Variants in ZFAND3 observed in about 807,000 individuals in gnomAD.
The protein encoded by ZFAND3 is zinc finger AN1-type containing 3, also known as AN1-type zinc finger protein 3.
A neutral mutation model predicts 29.6 loss-of-function variants in ZFAND3; 10 were observed. The observed-to-expected ratio is 0.34, with a 90% confidence interval of 0.21 to 0.57. The LOEUF is 0.57. Among genes scored for constraint, ZFAND3 ranks in the 20% least tolerant of loss-of-function variants. The pLI is 0.86. For synonymous variants in ZFAND3, 128 were observed against 112.6 expected (o/e 1.14, Z -0.87); for missense variants, 230 against 304.5 (o/e 0.76, Z 1.82).
chr6:37,963,262 C>G (rs1762231094), intron 2 of ZFAND3, among the ~76,000 whole-genome samples: 1 of 152,038 alleles, frequency 6.6e-6, no homozygotes, highest in African/African-American at 2.4e-5. Flanking sequence ...TAATGAAGCT[C>G]CAAAGGTCAA....
chr6:38,120,481 A>G (rs1045765138), intron 5 of ZFAND3, among the ~76,000 whole-genome samples: 2 of 151,460 alleles, frequency 1.3e-5, no homozygotes, highest in South Asian at 2.1e-4. Context: ...GCACACCTCC[A>G]CGCCTGGCTA....
intron 1 of ZFAND3, among the ~76,000 whole-genome samples, chr6:37,839,581 C>T (rs1764033897): frequency 6.6e-6 from 1 of 150,738 alleles, no homozygotes; most frequent in Non-Finnish European, 1.5e-5. Flanking sequence ...GTGGCGCGAT[C>T]TCAGCTCTCT....
intron 1 of ZFAND3, among the ~76,000 whole-genome samples, chr6:37,886,576 A>G (rs1184704311): frequency 6.6e-6 from 1 of 152,224 alleles, no homozygotes; most frequent in African/African-American, 2.4e-5. Flanking sequence ...CCTTGATTCC[A>G]CATTGGTCTC....
In ZFAND3 at chr6:38,154,242, C is replaced by T. The variant is rs1222687544; in HGVS notation, c.*1853C>T. 1.5e-5 allele frequency: 15 copies of T among 985,420 alleles called. No individual in the cohort carries two copies. The highest frequency in any genetic ancestry group is 8.7e-5 in the African/African-American group (5 of 57,244). 61.0% of individuals were successfully genotyped at this position (985,420 alleles called of 1,614,324 possible). On this transcript the variant is annotated 3_prime_UTR_variant, in exon 6 of 6. Coordinates refer to ENST00000287218, the MANE Select transcript of ZFAND3 (RefSeq NM_021943.3). ...AAGCTCTGGTCCCGAAGAGGCTGTG[C>T]GAGCCCTTCCCGGCCCTCCCCAGGG... is the stretch of plus-strand genomic sequence containing the variant.
At chr6:38,125,729 A>G (rs1011294833) in intron 5 of ZFAND3, among the ~76,000 whole-genome samples, 1 of 152,204 alleles carries the variant, frequency 6.6e-6, no homozygotes, top group African/African-American at 2.4e-5. Flanking sequence ...GGGGAGAAAA[A>G]TTATTATAAA....
chr6:37,877,688 C>T (rs1327680526), intron 1 of ZFAND3, among the ~76,000 whole-genome samples: 1 of 152,180 alleles, frequency 6.6e-6, no homozygotes, highest in Non-Finnish European at 1.5e-5. Flanking sequence ...TTACTTGTGG[C>T]AGGGCTGGGA....
intron 2 of ZFAND3, among the ~76,000 whole-genome samples, chr6:38,013,995 A>C (rs967487470): frequency 6.6e-6 from 1 of 152,238 alleles, no homozygotes; most frequent in African/African-American, 2.4e-5. Context: ...TAAGACCTAC[A>C]GATAACTAAC....
At chr6:38,054,782 C>T (rs914338457) in intron 2 of ZFAND3, among the ~76,000 whole-genome samples, 4 of 152,194 alleles carry the variant, frequency 2.6e-5, no homozygotes, top group Admixed American at 1.3e-4. Context: ...TGCATTGGTT[C>T]TTGCTAACTC....
intron 1 of ZFAND3, among the ~76,000 whole-genome samples, chr6:37,858,434 T>A (rs568020745): frequency 8.5e-5 from 13 of 152,324 alleles, no homozygotes; most frequent in African/African-American, 2.9e-4. Flanking sequence ...AGAATAAGAT[T>A]GAAAACTAGC....
At chr6:37,998,128 A>G (rs1245450588) in intron 2 of ZFAND3, among the ~76,000 whole-genome samples, 1 of 152,252 alleles carries the variant, frequency 6.6e-6, no homozygotes. Context: ...AACTGTAAAA[A>G]GAAATAGGCT....
chr6:37,937,207 A>T (rs1761713638), intron 2 of ZFAND3, among the ~76,000 whole-genome samples: 1 of 152,206 alleles, frequency 6.6e-6, no homozygotes, highest in South Asian at 2.1e-4. Flanking sequence ...GAGTCTGACA[A>T]ATTTTAAGCT....
chr6:38,117,346 A>G (rs1204041628), intron 5 of ZFAND3, among the ~76,000 whole-genome samples: 1 of 146,594 alleles, frequency 6.8e-6, no homozygotes, highest in South Asian at 2.1e-4. Flanking sequence ...GAGCCACCAT[A>G]TACCCAGTCT....
intron 2 of ZFAND3, among the ~76,000 whole-genome samples, chr6:37,952,215 A>C (rs1010383352): frequency 1.3e-5 from 2 of 152,170 alleles, no homozygotes; most frequent in Non-Finnish European, 2.9e-5. Flanking sequence ...TGCTGACCTC[A>C]TAGAATCTGT....
At position 37,992,667 on chromosome 6, in the gene ZFAND3, T is replaced by C. The variant is rs555732402; in HGVS notation, c.112+62668T>C. On this transcript the variant is annotated intron_variant, in intron 2 of 5. Coordinates refer to ENST00000287218, the MANE Select transcript of ZFAND3 (RefSeq NM_021943.3). The stretch of plus-strand genomic sequence containing the variant: ...CCTAAGAAAAATATCAATAATTCCA[T>C]AAAATTGAATATACAGCCCCATTCA... Among the ~76,000 whole-genome samples, 5 of 152,312 alleles carry C rather than the reference T, an allele frequency of 3.3e-5. No individual in the cohort carries two copies. The East Asian group carries it at 7.7e-4, about 23-fold the overall frequency.
intron 2 of ZFAND3, among the ~76,000 whole-genome samples, chr6:37,970,854 G>T (rs984451383): frequency 1.3e-5 from 2 of 152,224 alleles, no homozygotes; most frequent in African/African-American, 4.8e-5. Flanking sequence ...GCGGTGAGCT[G>T]AGATCGCACC....
chr6:38,027,189 G>A (rs999209711), intron 2 of ZFAND3, among the ~76,000 whole-genome samples: 2 of 152,186 alleles, frequency 1.3e-5, no homozygotes, highest in African/African-American at 4.8e-5. Context: ...GAATAGTTAC[G>A]AGAGTAGATG....
intron 2 of ZFAND3, among the ~76,000 whole-genome samples, chr6:38,054,343 A>C (rs1301951954): frequency 6.6e-6 from 1 of 150,678 alleles, no homozygotes; most frequent in Non-Finnish European, 1.5e-5. Flanking sequence ...GCAGTGAGCC[A>C]TGTGTGTGCC....
chr6:37,906,763 G>A (rs566038274), intron 1 of ZFAND3, among the ~76,000 whole-genome samples: 1 of 147,330 alleles, frequency 6.8e-6, no homozygotes, highest in South Asian at 2.1e-4. Flanking sequence ...GTTTTGATTT[G>A]CATTTTGCTG....
At chr6:37,913,736 G>GTT (rs1761173635) in intron 1 of ZFAND3, among the ~76,000 whole-genome samples, 2 of 103,312 alleles carry the variant, frequency 1.9e-5, no homozygotes, top group African/African-American at 6.9e-5. Flanking sequence ...TTGAGACAGA[G>GTT]TTTTGCTCTT....
Sources: gnomAD v4.1 joint callset for allele counts (sites outside exome capture counted in the v4.1 genomes callset) on GRCh38, gnomAD v4.1.1 for gene constraint, MANE v1.5 for transcripts, NCBI Gene and HGNC (gene_info 2026-07-23, HGNC 2026-07-21) for gene names.